ACADM: variants seen among roughly 807,000 people sequenced by gnomAD.
ACADM encodes the protein acyl-CoA dehydrogenase medium chain, also known as medium-chain specific acyl-CoA dehydrogenase, mitochondrial.
In ACADM, 49 loss-of-function variants were observed where a neutral mutation model predicts 58.9. The ratio of observed to expected loss-of-function variants is 0.83; its 90% CI spans 0.66 to 1.06. The LOEUF is 1.06. Among genes scored for constraint, ACADM ranks in the 50% least tolerant of loss-of-function variants. The probability of loss-of-function intolerance (pLI) is 0.00; values close to 1 mark genes in which losing one functional copy is unlikely to be tolerated. For missense variants in ACADM, 496 were observed against 507.0 expected, an observed-to-expected ratio of 0.98 and a Z score of 0.21; for synonymous variants, 160 against 157.7, an observed-to-expected ratio of 1.01 and a Z score of -0.11.
intron 6 of ACADM, among the ~76,000 whole-genome samples, chr1:75,737,932 T>A (rs1647358419): frequency 1.3e-5 from 2 of 152,060 alleles, no homozygotes; most frequent in South Asian, 4.1e-4. Context: ...TTATTTATTT[T>A]TTGAGACGGA....
chr1:75,750,496 G>C lies in ACADM; in HGVS notation c.895G>C (p.Ala299Pro). 6.2e-7 allele frequency: 1 copy of C among 1,612,596 alleles called. No individual in the cohort carries two copies. Among genetic ancestry groups the C allele is most frequent in the Non-Finnish European group, 8.5e-7 (1 of 1,179,900 alleles). ...VGLAQRALDEATKYALERKTF... is the reference protein window; with the variant it reads ...VGLAQRALDEPTKYALERKTF... ...ATTAGCACAAAGAGCTTTGGATGAA[G>C]CTACCAAGTATGCCCTGGAAAGGAA... The change falls in exon 10 of 12, where the codon GCT becomes CCT. Residue 299 changes from alanine (A) to proline (P), a missense_variant. Transcript: ENST00000370841.
In ACADM at chr1:75,731,316, C is replaced by G. The variant is rs559200023; in HGVS notation, c.119-1328C>G. Among the ~76,000 whole-genome samples the G allele has an allele frequency of 1.2e-4, 17 of 139,690 alleles. No individual in the cohort carries two copies. In the South Asian group the frequency reaches 3.9e-3, roughly 32 times the overall value. The allele number at this position is 139,690 out of a possible 152,430, so 91.6% of individuals were successfully genotyped here. A position where few individuals can be genotyped will look rare whatever the true frequency, so the allele number is the denominator to read the frequency against. On this transcript the variant is annotated intron_variant, in intron 2 of 11. Coordinates refer to ENST00000370841, the MANE Select transcript of ACADM (RefSeq NM_000016.6). The stretch of plus-strand genomic sequence containing the variant: ...AAAAAAAAAAAAAAAGAGATTTGAT[C>G]TTATGCTCTTCAATTCAGCACCAGA...
At chr1:75,740,560 A>C (rs1647512215) in intron 7 of ACADM, among the ~76,000 whole-genome samples, 1 of 152,194 alleles carries the variant, frequency 6.6e-6, no homozygotes, top group East Asian at 1.9e-4. Context: ...ACTTTAATAA[A>C]ATCTGAAATT....
intron 6 of ACADM, among the ~76,000 whole-genome samples, chr1:75,739,132 AC>A (rs1647429185): frequency 6.6e-6 from 1 of 152,130 alleles, no homozygotes; most frequent in Non-Finnish European, 1.5e-5. Context: ...CATTACTTGT[AC>A]CTGGAATGCA....
chr1:75,754,315 C>T (rs1380694641), intron 10 of ACADM, among the ~76,000 whole-genome samples: 1 of 150,486 alleles, frequency 6.6e-6, no homozygotes, highest in Non-Finnish European at 1.5e-5. Flanking sequence ...TCAAGTGATT[C>T]TCCTGCCTCA....
intron 10 of ACADM, among the ~76,000 whole-genome samples, chr1:75,756,367 T>G (rs1487903502): frequency 1.3e-5 from 2 of 152,156 alleles, no homozygotes; most frequent in Non-Finnish European, 2.9e-5. Context: ...TTCAGCAAAG[T>G]CTCTGGATAC....
chr1:75,759,853 G>T (rs1397596385), intron 10 of ACADM, among the ~76,000 whole-genome samples: 1 of 151,592 alleles, frequency 6.6e-6, no homozygotes. Context: ...TAGAGACGGG[G>T]TTTATCCATG....
chr1:75,750,794 G>A, intron 10 of ACADM: 1 of 505,876 alleles, frequency 2.0e-6, no homozygotes. Context: ...TGTTGCTCAG[G>A]CTAGAGTGCA....
chr1:75,728,627 AAT>A (rs991381916), intron 2 of ACADM, 139 bp downstream of exon 2: 1 of 642,858 alleles, frequency 1.6e-6, no homozygotes, highest in Admixed American at 2.3e-5. Context: ...GATAATTTAC[AAT>A]AACTCACACT....
At chr1:75,726,650 G>A (rs569202874) in intron 1 of ACADM, among the ~76,000 whole-genome samples, 16 of 152,172 alleles carry the variant, frequency 1.1e-4, no homozygotes, top group Non-Finnish European at 1.6e-4. Context: ...CTGAGCCTTC[G>A]TTTCTTCACA....
intron 10 of ACADM, among the ~76,000 whole-genome samples, chr1:75,752,262 T>G (rs1038013293): frequency 6.6e-6 from 1 of 152,144 alleles, no homozygotes; most frequent in African/African-American, 2.4e-5. Context: ...TATTCCTATC[T>G]CCATTTGTCA....
chr1:75,762,393 C>G (rs904380102), intron 11 of ACADM, among the ~76,000 whole-genome samples: 1 of 151,730 alleles, frequency 6.6e-6, no homozygotes, highest in Non-Finnish European at 1.5e-5. Context: ...CCACATTAAA[C>G]TTTAGTTTTC....
chr1:75,751,493 C>CTTTTT (rs370953741), intron 10 of ACADM, among the ~76,000 whole-genome samples: 1 of 144,234 alleles, frequency 6.9e-6, no homozygotes, highest in Non-Finnish European at 1.5e-5. Context: ...AGGATCCTTG[C>CTTTTT]TTTTTTTTTT....
chr1:75,753,475 A>T (rs1289893903), intron 10 of ACADM, among the ~76,000 whole-genome samples: 1 of 151,648 alleles, frequency 6.6e-6, no homozygotes, highest in East Asian at 1.9e-4. Flanking sequence ...CCAGAACTAC[A>T]TATGTACATT....
At chr1:75,761,489 A>C (rs1648854044) in intron 11 of ACADM, 119 bp downstream of exon 11, 1 of 1,117,478 alleles carries the variant, frequency 8.9e-7, no homozygotes, top group Non-Finnish European at 1.3e-6. Flanking sequence ...ACTGTCATAT[A>C]TGGCTGTGAG....
At chr1:75,742,960 G>A (rs188841516) in intron 7 of ACADM, among the ~76,000 whole-genome samples, 154 of 152,292 alleles carry the variant, frequency 1.0e-3, no homozygotes, top group African/African-American at 3.5e-3. Context: ...AAGTGGAATC[G>A]AGAATGTGCA....
chr1:75,753,258 A>G (rs1050517215), intron 10 of ACADM, among the ~76,000 whole-genome samples: 1 of 152,066 alleles, frequency 6.6e-6, no homozygotes, highest in African/African-American at 2.4e-5. Flanking sequence ...TCATGCTCAC[A>G]TCGAAATCTC....
At chr1:75,731,080 A>T (rs1242898468) in intron 2 of ACADM, among the ~76,000 whole-genome samples, 2 of 151,714 alleles carry the variant, frequency 1.3e-5, no homozygotes, top group African/African-American at 4.8e-5. Flanking sequence ...AGGTCAGAAG[A>T]TCGAGATCCT....
intron 6 of ACADM, among the ~76,000 whole-genome samples, chr1:75,738,548 G>A (rs932527918): frequency 1.6e-4 from 24 of 152,094 alleles, no homozygotes; most frequent in African/African-American, 4.8e-4. Context: ...CATTTCTAGT[G>A]CCCCTATATA....
Sources: allele counts gnomAD v4.1 joint callset (sites outside exome capture counted in the v4.1 genomes callset), GRCh38; gene constraint gnomAD v4.1.1; transcripts MANE v1.5; gene names NCBI Gene and HGNC (gene_info 2026-07-23, HGNC 2026-07-21).